The following ELL variants were observed in gnomAD, a reference collection of about 807,000 sequenced individuals.
ELL encodes the protein RNA polymerase II elongation factor ELL.
In ELL, 18 loss-of-function variants were observed where a neutral mutation model predicts 64.0. The observed-to-expected ratio is 0.28, with a 90% CI of 0.19 to 0.42. ELL has a LOEUF of 0.42. ELL is among the 10% of genes least tolerant of loss of function. The pLI is 1.00. For synonymous variants in ELL, 399 were observed against 376.2 expected (o/e 1.06, Z -0.70); for missense variants, 797 against 870.4 (o/e 0.92, Z 1.06).
At chr19:18,464,473 C>T (rs1974895048) in intron 4 of ELL, among the ~76,000 whole-genome samples, 1 of 137,262 alleles carries the variant, frequency 7.3e-6, no homozygotes, top group South Asian at 2.3e-4. Context: ...TCATGGACAA[C>T]CCGGGCTCCC....
At chr19:18,498,141 T>C (rs753264345) in intron 1 of ELL, among the ~76,000 whole-genome samples, 3 of 148,756 alleles carry the variant, frequency 2.0e-5, no homozygotes, top group Admixed American at 1.3e-4. Context: ...AAAAAAAAAA[T>C]GTCAGTGCAG....
chr19:18,451,406 C>T (rs1974532052), intron 7 of ELL, 146 bp downstream of exon 7: 3 of 750,832 alleles, frequency 4.0e-6, no homozygotes, highest in African/African-American at 3.7e-5. Context: ...ACAGCTTCCC[C>T]CTTGGTCCCT....
intron 1 of ELL, among the ~76,000 whole-genome samples, chr19:18,491,387 A>G (rs1454659438): frequency 6.7e-6 from 1 of 148,180 alleles, no homozygotes; most frequent in Non-Finnish European, 1.5e-5. Flanking sequence ...TGCTGGGATT[A>G]CAGGTGTGAG....
At position 18,443,590 on chromosome 19, in the gene ELL, ACT is replaced by A. The variant is rs1209652747; in HGVS notation, c.*1160_*1161del. ...CCCTGGGGGGTCCCCACATACGCAC[ACT>A]CACACACCCACACTTGCGTGGCCCC... On this transcript the variant is annotated 3_prime_UTR_variant, in exon 12 of 12. Coordinates refer to ENST00000262809, the MANE Select transcript of ELL (RefSeq NM_006532.4). 2 of 232,974 alleles carry A rather than the reference ACT, an allele frequency of 8.6e-6. No individual in the cohort carries two copies. The highest frequency in any genetic ancestry group is 1.7e-5 in the Non-Finnish European group (2 of 117,966). The allele number at this position is 232,974 out of a possible 1,614,324, so 14.4% of individuals were successfully genotyped here. A position where few individuals can be genotyped will look rare whatever the true frequency, so the allele number is the denominator to read the frequency against.
chr19:18,512,169 A>C (rs1976039428), intron 1 of ELL, among the ~76,000 whole-genome samples: 1 of 151,748 alleles, frequency 6.6e-6, no homozygotes, highest in Non-Finnish European at 1.5e-5. Flanking sequence ...AAAAAAAAGA[A>C]AAAAAATTAG....
At chr19:18,476,626 T>C (rs1245427502) in intron 1 of ELL, among the ~76,000 whole-genome samples, 2 of 152,226 alleles carry the variant, frequency 1.3e-5, no homozygotes, top group Non-Finnish European at 2.9e-5. Context: ...CAAGACTTCA[T>C]GCCTCAGAGG....
In ELL at chr19:18,450,681, G is replaced by A; in HGVS notation, c.1261C>T (p.Pro421Ser). The A allele has an allele frequency of 6.3e-7, 1 of 1,586,614 alleles. No individual in the cohort carries two copies. The highest frequency in any genetic ancestry group is 8.6e-7 in the Non-Finnish European group (1 of 1,167,146). The change falls in exon 8 of 12, where the codon CCC becomes TCC. Residue 421 changes from proline to serine, a missense_variant. Pro to Ser is a moderately conservative substitution (Grantham distance 74, BLOSUM62 -1). Transcript: ENST00000262809. ...CEHGEAAAPA[P>S]TVRLGLPLLT... ...AGGGGCAGGCCGAGGCGCACAGTGG[G>A]GGCTGGGGCAGCCGCCTCTCCGTGC...
intron 1 of ELL, among the ~76,000 whole-genome samples, chr19:18,513,441 CA>C (rs796540151): frequency 6.6e-6 from 1 of 152,154 alleles, no homozygotes; most frequent in Non-Finnish European, 1.5e-5. Context: ...AGAAGAGACG[CA>C]AAACCATATG....
intron 1 of ELL, among the ~76,000 whole-genome samples, chr19:18,520,016 G>C (rs145136456): frequency 6.6e-6 from 1 of 152,250 alleles, no homozygotes; most frequent in Non-Finnish European, 1.5e-5. Flanking sequence ...CTCCGAGCCA[G>C]AGGAGTTTAA....
chr19:18,507,634 G>A (rs548951189), intron 1 of ELL, among the ~76,000 whole-genome samples: 17 of 152,342 alleles, frequency 1.1e-4, no homozygotes, highest in Non-Finnish European at 1.6e-4. Flanking sequence ...TCCCCGCTGC[G>A]AAGAAGTGGG....
At chr19:18,514,402 T>C (rs1282454001) in intron 1 of ELL, among the ~76,000 whole-genome samples, 3 of 149,250 alleles carry the variant, frequency 2.0e-5, no homozygotes, top group African/African-American at 7.4e-5. Flanking sequence ...TAGTCCCAGC[T>C]ACTCAGAAGG....
chr19:18,449,181 T>C lies in ELL; in HGVS notation c.1465+1296A>G, dbSNP rs964503601. Among the ~76,000 whole-genome samples the C allele has an allele frequency of 3.9e-5, 6 of 152,116 alleles. No individual in the cohort carries two copies. The highest frequency in any genetic ancestry group is 8.8e-5 in the Non-Finnish European group (6 of 68,002). Reference sequence around the variant, plus strand: ...ACCACCTTGAGTCCCCAGGCCTGTCTTGGCACCTAGGCACTGGGCATCCAA... The same window carrying C: ...ACCACCTTGAGTCCCCAGGCCTGTCCTGGCACCTAGGCACTGGGCATCCAA... On this transcript the variant is annotated intron_variant, in intron 8 of 11. Transcript: ENST00000262809. The surrounding 1 kb of genome is among the most constrained non-coding windows in gnomAD (Gnocchi z 4.4).
intron 1 of ELL, among the ~76,000 whole-genome samples, chr19:18,491,920 A>T (rs963251239): frequency 2.6e-5 from 4 of 152,178 alleles, no homozygotes; most frequent in African/African-American, 9.7e-5. Flanking sequence ...AGATGACTTT[A>T]TATTTACCTA....
intron 1 of ELL, among the ~76,000 whole-genome samples, chr19:18,482,632 C>A (rs997358357): frequency 1.3e-5 from 2 of 152,040 alleles, no homozygotes; most frequent in African/African-American, 4.8e-5. Flanking sequence ...GCCTGGACTG[C>A]CTTTCCATTC....
intron 1 of ELL, among the ~76,000 whole-genome samples, chr19:18,495,582 AAGG>A (rs1282185648): frequency 6.6e-6 from 1 of 152,180 alleles, no homozygotes; most frequent in Non-Finnish European, 1.5e-5. Context: ...ACTGCAGCTG[AAGG>A]AGGAGGGCCG....
At position 18,501,879 on chromosome 19, in the gene ELL, G is replaced by A. The variant is rs887879491; in HGVS notation, c.135+20042C>T. On this transcript the variant is annotated intron_variant, in intron 1 of 11. Transcript: ENST00000262809. The surrounding 1 kb of genome is among the most constrained non-coding windows in gnomAD (Gnocchi z 4.5). ...GAGGCAGCATGGGCACCAGTGACCA[G>A]GACAGCCCTTTCCAAAAGAAGGCCC... Among the ~76,000 whole-genome samples the A allele has an allele frequency of 6.6e-6, 1 of 152,114 alleles. No homozygotes were observed. Among genetic ancestry groups the A allele is most frequent in the East Asian group, 1.9e-4 (1 of 5,144 alleles).
At chr19:18,451,011 C>G (rs1392254659) in intron 7 of ELL, 36 bp from the exon 8 acceptor site, 4 of 1,492,422 alleles carry the variant, frequency 2.7e-6, no homozygotes, top group Non-Finnish European at 3.6e-6. Context: ...GAGGGGAGCA[C>G]AGAGTGGCTG....
At chr19:18,509,593 G>GCACATACACACACACACA (rs1250824570) in intron 1 of ELL, among the ~76,000 whole-genome samples, 2 of 83,240 alleles carry the variant, frequency 2.4e-5, no homozygotes, top group Non-Finnish European at 5.8e-5. Flanking sequence ...GCGCGCGCGC[G>GCACATACACACACACACA]CACATACACA....
At chr19:18,486,269 C>T (rs1247591038) in intron 1 of ELL, among the ~76,000 whole-genome samples, 1 of 152,184 alleles carries the variant, frequency 6.6e-6, no homozygotes, top group Non-Finnish European at 1.5e-5. Flanking sequence ...CAGGCACTGG[C>T]TCAACAGGGG....
Sources: allele counts gnomAD v4.1 joint callset (sites outside exome capture counted in the v4.1 genomes callset), GRCh38; gene constraint gnomAD v4.1.1; non-coding constraint Gnocchi (gnomAD v3.1); transcripts MANE v1.5; gene names NCBI Gene and HGNC (gene_info 2026-07-23, HGNC 2026-07-21).